Variants in MAP2K5 observed in about 807,000 individuals in gnomAD.
MAP2K5 encodes mitogen-activated protein kinase kinase 5.
Under a neutral mutation model 83.1 loss-of-function variants are expected in MAP2K5, and 49 were observed. The ratio of observed to expected loss-of-function variants is 0.59; its 90% CI spans 0.47 to 0.75. The LOEUF is 0.75. Ranked by LOEUF, MAP2K5 falls within the 30% of genes least tolerant of loss-of-function variation. MAP2K5 has a pLI of 0.00. For missense variants in MAP2K5, 457 were observed against 557.5 expected (o/e 0.82, Z 1.82); for synonymous variants, 202 against 191.8 (o/e 1.05, Z -0.44).
chr15:67,741,249 C>T (rs1257023809), intron 17 of MAP2K5, among the ~76,000 whole-genome samples: 1 of 152,122 alleles, frequency 6.6e-6, no homozygotes, highest in Non-Finnish European at 1.5e-5. Context: ...GTTCTTCAGG[C>T]AGCTTTCATG....
chr15:67,550,081 A>G lies in MAP2K5; in HGVS notation c.183A>G (p.Glu61=), dbSNP rs1204748427. The G allele has an allele frequency of 6.2e-7, 1 of 1,613,272 alleles. No homozygotes were observed. Among genetic ancestry groups the G allele is most frequent in the East Asian group, 2.2e-5 (1 of 44,840 alleles). ...CTGAAGCAACAACTACAGCATTTGA[A>G]TGTAAGTCTGGCTTGTATACTTTCT... ...VLPEATTTAF[E]YEDEDGDRIT... Residue 61 remains glutamate (E), a splice_region_variant and synonymous_variant, in exon 2 of 22, where the codon GAA becomes GAG. Coordinates refer to ENST00000178640, the MANE Select transcript of MAP2K5 (RefSeq NM_145160.3).
In MAP2K5 at chr15:67,674,023, A is replaced by G. The variant is rs1046366881; in HGVS notation, c.847+9378A>G. ...GCCTCCATGCCCGGCTAATTTTTGT[A>G]TTTTTAGTAGAGACAGGGTTTCACC... On this transcript the variant is annotated intron_variant, in intron 13 of 21. Transcript: ENST00000178640. Among the ~76,000 whole-genome samples the G allele has an allele frequency of 2.6e-5, 4 of 151,958 alleles. No individual in the cohort carries two copies. The East Asian group carries it at 5.8e-4, about 22-fold the overall frequency.
intron 8 of MAP2K5, among the ~76,000 whole-genome samples, chr15:67,614,930 A>G (rs918346876): frequency 9.2e-5 from 14 of 152,184 alleles, no homozygotes; most frequent in Non-Finnish European, 1.8e-4. Flanking sequence ...GTTATCTTGA[A>G]ATTAATATCT....
In MAP2K5 at chr15:67,781,755, T is replaced by C. The variant is rs1305195028; in HGVS notation, c.1242+9003T>C. On this transcript the variant is annotated intron_variant, in intron 21 of 21. Coordinates refer to ENST00000178640, the MANE Select transcript of MAP2K5 (RefSeq NM_145160.3). The surrounding 1 kb of genome is among the most constrained non-coding windows in gnomAD (Gnocchi z 4.0). Reference sequence around the variant, plus strand: ...CAAATGTAACCCGATTGACTCTTAATTGTTAGCCTGTGTGTGTCTTAGCTT... The same window carrying C: ...CAAATGTAACCCGATTGACTCTTAACTGTTAGCCTGTGTGTGTCTTAGCTT... Among the ~76,000 whole-genome samples, 1 of 151,600 alleles carries C rather than the reference T, an allele frequency of 6.6e-6. No individual in the cohort carries two copies. The highest frequency in any genetic ancestry group is 1.5e-5 in the Non-Finnish European group (1 of 68,044).
rs2089644793 is a variant in MAP2K5 at position 67,748,162 on chromosome 15, A to G, written c.1075-69A>G. On this transcript the variant is annotated intron_variant, in intron 17 of 21. Transcript: ENST00000178640. This position sits in a 1 kb window ranked among gnomAD's most constrained non-coding sequence, Gnocchi z 4.0. ...ACCAGCAATGCAATAATTTTCTCTC[A>G]GTGATCATAATGTGTCCAAGTGAGT... is the stretch of plus-strand genomic sequence containing the variant. 1 of 1,097,326 alleles carries G rather than the reference A, an allele frequency of 9.1e-7. No homozygotes were observed. Among genetic ancestry groups the G allele is most frequent in the Non-Finnish European group, 1.4e-6 (1 of 731,300 alleles). 68.0% of individuals were successfully genotyped at this position (1,097,326 alleles called of 1,614,324 possible).
At chr15:67,571,227 C>T (rs1196799803) in intron 3 of MAP2K5, among the ~76,000 whole-genome samples, 2 of 152,136 alleles carry the variant, frequency 1.3e-5, no homozygotes, top group Non-Finnish European at 2.9e-5. Flanking sequence ...CCAGAAAATT[C>T]ACATAATGCA....
chr15:67,733,775 A>G (rs181896023), intron 17 of MAP2K5, among the ~76,000 whole-genome samples: 40 of 152,324 alleles, frequency 2.6e-4, no homozygotes, highest in African/African-American at 9.6e-4. Flanking sequence ...AAACATAGGT[A>G]GATAATAAGT....
intron 17 of MAP2K5, among the ~76,000 whole-genome samples, chr15:67,742,605 G>T (rs1326500402): frequency 6.6e-6 from 1 of 152,162 alleles, no homozygotes; most frequent in African/African-American, 2.4e-5. Flanking sequence ...GACAAAGAAA[G>T]GAGAAAAGAC....
At chr15:67,548,029 C>T (rs1469475470) in intron 1 of MAP2K5, among the ~76,000 whole-genome samples, 1 of 152,144 alleles carries the variant, frequency 6.6e-6, no homozygotes, top group Admixed American at 6.6e-5. Flanking sequence ...GTTCTTTCTC[C>T]CTTTTCCTCG....
At chr15:67,635,965 CT>C (rs922322192) in intron 9 of MAP2K5, among the ~76,000 whole-genome samples, 1 of 151,152 alleles carries the variant, frequency 6.6e-6, no homozygotes, top group Non-Finnish European at 1.5e-5. Flanking sequence ...CCTCTGCTTT[CT>C]TTTTTTTTGT....
intron 17 of MAP2K5, among the ~76,000 whole-genome samples, chr15:67,734,576 A>C (rs2089296966): frequency 6.6e-6 from 1 of 152,174 alleles, no homozygotes; most frequent in Non-Finnish European, 1.5e-5. Flanking sequence ...AAAGCCTTTG[A>C]CTAGTATATT....
In MAP2K5 at chr15:67,555,955, T is replaced by C. The variant is rs1245545965; in HGVS notation, c.184+5873T>C. On this transcript the variant is annotated intron_variant, in intron 2 of 21. Coordinates refer to ENST00000178640, the MANE Select transcript of MAP2K5 (RefSeq NM_145160.3). This position sits in a 1 kb window ranked among gnomAD's most constrained non-coding sequence, Gnocchi z 5.2. ...TGCGCCACCACACCCGGCTAATTTT[T>C]TTGTATTTTTAGTAGATACGGGGTT... 6.6e-6 allele frequency among the ~76,000 whole-genome samples: 1 copy of C among 152,112 alleles called. No individual in the cohort carries two copies. The highest frequency in any genetic ancestry group is 2.4e-5 in the African/African-American group (1 of 41,412).
chr15:67,592,974 G>C lies in MAP2K5; in HGVS notation c.480G>C (p.Gln160His). 2.5e-6 allele frequency: 4 copies of C among 1,589,244 alleles called. No homozygotes were observed. The highest frequency in any genetic ancestry group is 2.6e-6 in the Non-Finnish European group (3 of 1,160,366). Residue 160 changes from glutamine (Q) to histidine (H), a missense_variant and splice_region_variant, in exon 7 of 22, where the codon CAG becomes CAC. This residue lies in a region of MAP2K5 where 234 missense variants were observed against 243.6 expected (regional missense o/e 0.96). Transcript: ENST00000178640. ...AELKKILANGQMNEQDIRYRD... is the reference protein window; with the variant it reads ...AELKKILANGHMNEQDIRYRD... ...TGAAAAAAATACTAGCCAATGGCCA[G>C]GTAGGTATTATTATATATTAAGATT...
chr15:67,793,038 T>C lies in MAP2K5; in HGVS notation c.1243-13608T>C, dbSNP rs577600126. On this transcript the variant is annotated intron_variant, in intron 21 of 21. Transcript: ENST00000178640. This position sits in a 1 kb window ranked among gnomAD's most constrained non-coding sequence, Gnocchi z 4.6. ...TCAGATAACTGTAGTGTATTCTTTA[T>C]AAAATCAAACTTTAAAAAATTACAA... 1.3e-4 allele frequency among the ~76,000 whole-genome samples: 20 copies of C among 152,270 alleles called. No individual in the cohort carries two copies. The highest frequency in any genetic ancestry group is 2.6e-4 in the Non-Finnish European group (18 of 68,048).
chr15:67,600,032 T>C (rs1358941835), intron 7 of MAP2K5, among the ~76,000 whole-genome samples: 1 of 152,210 alleles, frequency 6.6e-6, no homozygotes, highest in Non-Finnish European at 1.5e-5. Context: ...TAATAAAAAT[T>C]ACATGCCTAT....
rs576350295 is a variant in MAP2K5, at chr15:67,559,806, C to G, written c.185-3477C>G. On this transcript the variant is annotated intron_variant, in intron 2 of 21. Transcript: ENST00000178640. The surrounding 1 kb of genome is among the most constrained non-coding windows in gnomAD (Gnocchi z 4.7). Reference sequence around the variant, plus strand: ...TCAGATCTGTCTGCTCCCCTACCCCCACCCCTTTTGTTGGTCATATCCGGT... The same window carrying G: ...TCAGATCTGTCTGCTCCCCTACCCCGACCCCTTTTGTTGGTCATATCCGGT... 1.6e-4 allele frequency among the ~76,000 whole-genome samples: 25 copies of G among 152,184 alleles called. No homozygotes were observed. Among genetic ancestry groups the G allele is most frequent in the Non-Finnish European group, 3.1e-4 (21 of 68,030 alleles).
intron 8 of MAP2K5, among the ~76,000 whole-genome samples, chr15:67,601,814 G>C (rs768780301): frequency 2.6e-5 from 4 of 152,190 alleles, no homozygotes; most frequent in Non-Finnish European, 5.9e-5. Flanking sequence ...AGGCTTAGAA[G>C]CTCTTTTGAA....
At chr15:67,691,018 A>G (rs150277173) in intron 13 of MAP2K5, among the ~76,000 whole-genome samples, 151 of 152,340 alleles carry the variant, frequency 9.9e-4, no homozygotes, top group Middle Eastern at 6.8e-3. Flanking sequence ...ACTTGAATTC[A>G]TAGAGCCTCC....
At chr15:67,623,015 TG>T (rs2086223690) in intron 8 of MAP2K5, among the ~76,000 whole-genome samples, 1 of 152,122 alleles carries the variant, frequency 6.6e-6, no homozygotes. Flanking sequence ...GGTGGGAGTA[TG>T]GCGTGAACCC....
Sources: gnomAD v4.1 joint callset for allele counts (sites outside exome capture counted in the v4.1 genomes callset) on GRCh38, gnomAD v4.1.1 for gene constraint, gnomAD v4.1.1 regional missense constraint, Gnocchi (gnomAD v3.1) non-coding constraint, MANE v1.5 for transcripts, NCBI Gene and HGNC (gene_info 2026-07-23, HGNC 2026-07-21) for gene names.